The following MYOM1 variants were observed in gnomAD, a reference collection of about 807,000 sequenced individuals.
MYOM1 encodes the protein myomesin 1.
MYOM1 carries 164 observed loss-of-function variants against 205.3 expected under a neutral mutation model. The ratio of observed to expected loss-of-function variants is 0.80; its 90% CI spans 0.70 to 0.91. MYOM1 has a LOEUF of 0.91. MYOM1 is among the 40% of genes least tolerant of loss of function. The pLI is 0.00. For missense variants in MYOM1, 2,011 were observed against 2,127.3 expected (o/e 0.95, Z 1.08); for synonymous variants, 772 against 789.4 (o/e 0.98, Z 0.37).
At chr18:3,200,234 C>T (rs778782052) in intron 2 of MYOM1, among the ~76,000 whole-genome samples, 1 of 152,080 alleles carries the variant, frequency 6.6e-6, no homozygotes, top group Non-Finnish European at 1.5e-5. Flanking sequence ...AATACAGCAA[C>T]AACACACTCT....
At chr18:3,238,956 T>G in the MYOM1 span, among the ~76,000 whole-genome samples, 1 of 152,362 alleles carries the variant, frequency 6.6e-6, no homozygotes, top group African/African-American at 2.4e-5. Flanking sequence ...GTGGCAACGC[T>G]GGGTATACCC....
chr18:3,151,455 T>A (rs961461833), intron 12 of MYOM1, among the ~76,000 whole-genome samples: 5 of 139,242 alleles, frequency 3.6e-5, no homozygotes, highest in Non-Finnish European at 7.8e-5. Context: ...AAATATAAAA[T>A]AATAAAATAA....
At position 3,075,731 on chromosome 18, in the gene MYOM1, C is replaced by G; in HGVS notation, c.4679G>C (p.Arg1560Thr). The change falls in exon 35 of 38, where the codon AGG becomes ACG. Residue 1560 changes from arginine (R) to threonine (T), a missense_variant. By Grantham distance (71) the Arg-to-Thr change is moderately conservative. Coordinates refer to ENST00000356443, the MANE Select transcript of MYOM1 (RefSeq NM_003803.4). The part of the protein sequence containing the change: ...AYDEAYAEFQ[R>T]LKQAAIAEKN... ...GCTAGGACCAGGGACTTACTTCAAC[C>G]TCTGGAATTCAGCATAGGCCTCATC... 5.6e-6 allele frequency: 9 copies of G among 1,600,630 alleles called. No individual in the cohort carries two copies. The highest frequency in any genetic ancestry group is 7.7e-6 in the Non-Finnish European group (9 of 1,172,698).
At chr18:3,184,501 T>C (rs1458141138) in intron 5 of MYOM1, among the ~76,000 whole-genome samples, 1 of 152,228 alleles carries the variant, frequency 6.6e-6, no homozygotes, top group Non-Finnish European at 1.5e-5. Context: ...GTTTCAGCTT[T>C]ACCCAGGGCA....
At chr18:3,107,409 A>G (rs779431497) in intron 22 of MYOM1, among the ~76,000 whole-genome samples, 5 of 152,132 alleles carry the variant, frequency 3.3e-5, no homozygotes, top group African/African-American at 9.7e-5. Flanking sequence ...GAGCCACCGC[A>G]CCCGGCCAGG....
At chr18:3,114,878 G>C (rs11664151) in intron 21 of MYOM1, among the ~76,000 whole-genome samples, 132,460 of 151,854 alleles carry the variant, frequency 0.87, 58,285 homozygotes, top group East Asian at 0.97. Context: ...CTGTCTCTCT[G>C]TTAAAATTCC....
At chr18:3,067,877 T>C (rs1174276590) in intron 37 of MYOM1, among the ~76,000 whole-genome samples, 2 of 152,194 alleles carry the variant, frequency 1.3e-5, no homozygotes, top group Non-Finnish European at 2.9e-5. Context: ...AACATATAGA[T>C]GCCTTTTGCT....
chr18:3,177,382 T>C (rs2080657984), intron 5 of MYOM1, among the ~76,000 whole-genome samples: 1 of 151,736 alleles, frequency 6.6e-6, no homozygotes, highest in Admixed American at 6.6e-5. Flanking sequence ...GCTGGCTATC[T>C]GTGTAGGATG....
intron 33 of MYOM1, among the ~76,000 whole-genome samples, chr18:3,082,352 A>G (rs1042447590): frequency 3.3e-5 from 5 of 151,868 alleles, no homozygotes; most frequent in Admixed American, 2.0e-4. Context: ...GCCTTGACCT[A>G]CCTCTTAGCT....
At chr18:3,116,247 T>C in intron 21 of MYOM1, 84 bp downstream of exon 21, 2 of 1,371,334 alleles carry the variant, frequency 1.5e-6, no homozygotes, top group Admixed American at 2.0e-5. Context: ...AAAGCGGAGA[T>C]ATTCTGTTTT....
intron 14 of MYOM1, among the ~76,000 whole-genome samples, chr18:3,140,236 G>C (rs1050439825): frequency 5.3e-5 from 8 of 151,892 alleles, no homozygotes; most frequent in African/African-American, 1.9e-4. Context: ...GTGAAACCCT[G>C]TCTCTACTAA....
intron 14 of MYOM1, among the ~76,000 whole-genome samples, chr18:3,136,033 GT>G (rs1315335597): frequency 6.6e-6 from 1 of 152,118 alleles, no homozygotes; most frequent in African/African-American, 2.4e-5. Context: ...CATGGGGGCG[GT>G]TTCCCCCATA....
the MYOM1 span, among the ~76,000 whole-genome samples, chr18:3,228,083 G>A: frequency 6.6e-6 from 1 of 152,158 alleles, no homozygotes. This position sits in a 1 kb window ranked among gnomAD's most constrained non-coding sequence, Gnocchi z 4.5. Flanking sequence ...CTTTACTCCT[G>A]ACAGCAAGAG....
Position 3,188,732 on chromosome 18 carries a change from A to T in MYOM1, c.771+16T>A. 1 of 1,538,204 alleles carries T rather than the reference A, an allele frequency of 6.5e-7. No individual in the cohort carries two copies. The highest frequency in any genetic ancestry group is 8.8e-7 in the Non-Finnish European group (1 of 1,140,872). On this transcript the variant is annotated intron_variant, in intron 4 of 37. Coordinates refer to ENST00000356443, the MANE Select transcript of MYOM1 (RefSeq NM_003803.4). ...ATTTCCACCTTTGTAAGTTACTTTA[A>T]ACTGTCTTTTCTTACTGTTTTCCTC...
intron 19 of MYOM1, among the ~76,000 whole-genome samples, chr18:3,123,814 T>C (rs2079734759): frequency 1.5e-5 from 1 of 67,228 alleles, no homozygotes; most frequent in African/African-American, 8.6e-5. Context: ...AAAGCTATAA[T>C]TTATTTTTAT....
At chr18:3,119,239 G>A (rs1215736501) in intron 20 of MYOM1, among the ~76,000 whole-genome samples, 1 of 152,032 alleles carries the variant, frequency 6.6e-6, no homozygotes, top group Non-Finnish European at 1.5e-5. Flanking sequence ...TCAGAGTTTG[G>A]AAAATGCTTA....
intron 20 of MYOM1, among the ~76,000 whole-genome samples, chr18:3,116,860 T>A (rs890230822): frequency 6.6e-6 from 1 of 152,040 alleles, no homozygotes; most frequent in Non-Finnish European, 1.5e-5. Context: ...TCATATTTTT[T>A]GATTTTTATT....
At chr18:3,082,960 T>G (rs779907728) in intron 33 of MYOM1, among the ~76,000 whole-genome samples, 5 of 152,314 alleles carry the variant, frequency 3.3e-5, no homozygotes, top group Non-Finnish European at 5.9e-5. Context: ...TGGATTAGGC[T>G]TCTTTGGTGA....
chr18:3,178,269 A>G (rs28540693), intron 5 of MYOM1, among the ~76,000 whole-genome samples: 47,841 of 152,036 alleles, frequency 0.31, 9,893 homozygotes, highest in African/African-American at 0.59. Flanking sequence ...AGTTCTCACA[A>G]CCACCGTATG....
Sources: allele counts gnomAD v4.1 joint callset (sites outside exome capture counted in the v4.1 genomes callset), GRCh38; gene constraint gnomAD v4.1.1; non-coding constraint Gnocchi (gnomAD v3.1); transcripts MANE v1.5; gene names NCBI Gene and HGNC (gene_info 2026-07-23, HGNC 2026-07-21).